The following RAPGEF4 variants were observed in gnomAD, a reference collection of about 807,000 sequenced individuals.
RAPGEF4 encodes Rap guanine nucleotide exchange factor 4.
A neutral mutation model predicts 147.9 loss-of-function variants in RAPGEF4; 66 were observed. That is an observed-to-expected ratio of 0.45 (90% CI 0.37 to 0.55). The LOEUF is 0.55. RAPGEF4 is among the 20% of genes least tolerant of loss of function. RAPGEF4 has a pLI of 0.00. For missense variants in RAPGEF4, 1,071 were observed against 1,257.3 expected, an observed-to-expected ratio of 0.85 and a Z score of 2.24; for synonymous variants, 419 against 442.7, an observed-to-expected ratio of 0.95 and a Z score of 0.67.
chr2:172,832,528 A>C (rs568799151), intron 4 of RAPGEF4, among the ~76,000 whole-genome samples: 74 of 152,340 alleles, frequency 4.9e-4, no homozygotes, highest in East Asian at 9.6e-4. Context: ...ATTTTAAATT[A>C]TTAGCATAAA....
chr2:172,988,372 A>G (rs1368508896), intron 13 of RAPGEF4, 100 bp downstream of exon 13: 8 of 1,486,000 alleles, frequency 5.4e-6, no homozygotes, highest in Non-Finnish European at 2.7e-6. Flanking sequence ...TTGCAACAAC[A>G]TTGCTCCTAG....
intron 25 of RAPGEF4, 115 bp downstream of exon 25, chr2:173,027,374 AAC>A: frequency 1.2e-6 from 1 of 802,804 alleles, no homozygotes; most frequent in Non-Finnish European, 1.9e-6. Context: ...TAGAGGGCCA[AAC>A]ACAGGGTCTT....
chr2:172,982,004 C>A (rs1691730941), intron 10 of RAPGEF4, among the ~76,000 whole-genome samples: 1 of 152,200 alleles, frequency 6.6e-6, no homozygotes, highest in African/African-American at 2.4e-5. Context: ...ATGTAGACAC[C>A]TTTATGGTTG....
intron 6 of RAPGEF4, among the ~76,000 whole-genome samples, chr2:172,932,107 G>A (rs3769254): frequency 0.38 from 56,882 of 151,518 alleles, 11,320 homozygotes; most frequent in Middle Eastern, 0.48. Context: ...TGGTCATTCC[G>A]GTGTTCATGC....
intron 4 of RAPGEF4, among the ~76,000 whole-genome samples, chr2:172,832,460 A>G (rs1196858493): frequency 2.6e-5 from 4 of 152,092 alleles, no homozygotes; most frequent in South Asian, 2.1e-4. Context: ...TGTGTTCTCT[A>G]TCTCAACTCC....
rs751735494 is a variant in RAPGEF4 at position 172,814,313 on chromosome 2, C to T, written c.332C>T (p.Thr111Met). The change falls in exon 4 of 31, where the codon ACG (threonine) becomes ATG (methionine). Residue 111 changes from threonine (T) to methionine (M), a missense_variant. Thr to Met is a moderately conservative substitution (Grantham distance 81, BLOSUM62 -1). Coordinates refer to ENST00000397081, the MANE Select transcript of RAPGEF4 (RefSeq NM_007023.4). ...ACCATCTGTACCCTGGGAATTGGGA[C>T]GGCCTTTGGAGAGTCCATTCTGGAC... ...AVTICTLGIG[T>M]AFGESILDNT... 6.2e-6 allele frequency: 10 copies of T among 1,614,150 alleles called. 1 individual carries two copies. Among genetic ancestry groups the T allele is most frequent in the Admixed American group, 3.3e-5 (2 of 60,020 alleles).
At chr2:172,943,062 C>T (rs990582044) in intron 6 of RAPGEF4, among the ~76,000 whole-genome samples, 4 of 151,924 alleles carry the variant, frequency 2.6e-5, no homozygotes, top group Non-Finnish European at 4.4e-5. Context: ...TTGGGGAAGT[C>T]AGGAAAAGGG....
In RAPGEF4 at chr2:173,051,919, C is replaced by G; in HGVS notation, c.*152C>G. 1.3e-6 allele frequency: 1 copy of G among 786,620 alleles called. No individual in the cohort carries two copies. The highest frequency in any genetic ancestry group is 2.0e-6 in the Non-Finnish European group (1 of 505,164). The allele number at this position is 786,620 out of a possible 1,614,324, so 48.7% of individuals were successfully genotyped here. On this transcript the variant is annotated 3_prime_UTR_variant, in exon 31 of 31. Transcript: ENST00000397081. ...CACCTCAGGGCTGCATTCAGCTTACCAGCTACCTAGCAAGAGAAGGAATTA... is the reference window on the plus strand; with the variant it reads ...CACCTCAGGGCTGCATTCAGCTTACGAGCTACCTAGCAAGAGAAGGAATTA...
chr2:172,806,123 G>T (rs1687477939), intron 3 of RAPGEF4, among the ~76,000 whole-genome samples: 1 of 151,774 alleles, frequency 6.6e-6, no homozygotes, highest in Non-Finnish European at 1.5e-5. Context: ...GATTTTTTAA[G>T]TGAGGGGCTT....
intron 1 of RAPGEF4, among the ~76,000 whole-genome samples, chr2:172,748,207 C>T (rs1039507597): frequency 2.0e-5 from 3 of 152,170 alleles, no homozygotes; most frequent in African/African-American, 7.2e-5. Context: ...GGGCTTGCTG[C>T]ATCGTAAAGT....
chr2:172,825,399 A>C (rs145400626), intron 4 of RAPGEF4, among the ~76,000 whole-genome samples: 128 of 152,354 alleles, frequency 8.4e-4, no homozygotes, highest in African/African-American at 3.0e-3. Flanking sequence ...AAATTTGAAC[A>C]ATTCTAAGTT....
At chr2:172,829,289 G>T (rs1479519319) in intron 4 of RAPGEF4, among the ~76,000 whole-genome samples, 1 of 152,196 alleles carries the variant, frequency 6.6e-6, no homozygotes, top group African/African-American at 2.4e-5. Context: ...AGCTCACCTT[G>T]GCTGTCAGGC....
At chr2:172,917,588 C>A in intron 4 of RAPGEF4, 10 of 683,276 alleles carry the variant, frequency 1.5e-5, no homozygotes, top group South Asian at 1.4e-4. Context: ...GAACCCCTGC[C>A]CCCGGGCACA....
At chr2:172,873,442 C>A (rs146225736) in intron 4 of RAPGEF4, among the ~76,000 whole-genome samples, 313 of 152,276 alleles carry the variant, frequency 2.1e-3, no homozygotes, top group African/African-American at 7.1e-3. Context: ...GATTGTATAT[C>A]TTACAAAGGA....
At chr2:172,909,044 G>T (rs776477453) in intron 4 of RAPGEF4, among the ~76,000 whole-genome samples, 7 of 152,178 alleles carry the variant, frequency 4.6e-5, no homozygotes, top group Non-Finnish European at 8.8e-5. Flanking sequence ...CCTGATAGGG[G>T]CCTCCCACGT....
intron 10 of RAPGEF4, among the ~76,000 whole-genome samples, chr2:172,971,531 T>A (rs569761718): frequency 9.7e-4 from 148 of 152,290 alleles, no homozygotes; most frequent in African/African-American, 3.4e-3. Flanking sequence ...CAAACTTGAG[T>A]TCGTTTATTT....
intron 1 of RAPGEF4, among the ~76,000 whole-genome samples, chr2:172,748,764 A>G (rs1462575782): frequency 6.6e-6 from 1 of 152,226 alleles, no homozygotes; most frequent in Non-Finnish European, 1.5e-5. Context: ...CCAAAGTCTC[A>G]TCTGAGACAA....
At chr2:173,030,626 A>G (rs1697104419) in intron 26 of RAPGEF4, among the ~76,000 whole-genome samples, 1 of 152,202 alleles carries the variant, frequency 6.6e-6, no homozygotes, top group Non-Finnish European at 1.5e-5. Flanking sequence ...TTTGCCATAA[A>G]TCTTATCTTT....
intron 1 of RAPGEF4, among the ~76,000 whole-genome samples, chr2:172,759,071 A>G (rs1696051818): frequency 6.6e-6 from 1 of 152,212 alleles, no homozygotes; most frequent in Non-Finnish European, 1.5e-5. Context: ...GTTTTCAAAT[A>G]TTCAGACAGA....
Sources: allele counts gnomAD v4.1 joint callset (sites outside exome capture counted in the v4.1 genomes callset), GRCh38; gene constraint gnomAD v4.1.1; transcripts MANE v1.5; gene names NCBI Gene and HGNC (gene_info 2026-07-23, HGNC 2026-07-21).